Variants in PDE4D observed in about 807,000 individuals in gnomAD.
The protein encoded by PDE4D is 3',5'-cyclic-AMP phosphodiesterase 4D.
PDE4D carries 24 observed loss-of-function variants against 87.4 expected under a neutral mutation model. The ratio of observed to expected loss-of-function variants is 0.27; its 90% CI spans 0.20 to 0.39. The LOEUF (loss-of-function observed/expected upper bound fraction) is 0.39, where lower values mean the gene tolerates loss of function less well. PDE4D is among the 10% of genes least tolerant of loss of function. PDE4D has a pLI of 1.00. For synonymous variants in PDE4D, 384 were observed against 383.2 expected (o/e 1.00, Z -0.02); for missense variants, 714 against 1,041.0 (o/e 0.69, Z 4.32).
chr5:60,345,224 C>T (rs1459631770), intron 1 of PDE4D, among the ~76,000 whole-genome samples: 3 of 151,810 alleles, frequency 2.0e-5, no homozygotes, highest in Non-Finnish European at 4.4e-5. Context: ...CATATTCTCA[C>T]TCATAGGTGG....
chr5:59,046,600 G>A (rs1760748276), intron 5 of PDE4D, among the ~76,000 whole-genome samples: 1 of 151,950 alleles, frequency 6.6e-6, no homozygotes, highest in South Asian at 2.1e-4. Context: ...GGTCTAAAGG[G>A]TAACTCCAAC....
intron 1 of PDE4D, among the ~76,000 whole-genome samples, chr5:60,308,219 A>G (rs1008826868): frequency 1.3e-5 from 2 of 152,240 alleles, no homozygotes; most frequent in Non-Finnish European, 2.9e-5. Flanking sequence ...CATATGGGAA[A>G]TATTTTCATA....
chr5:59,857,449 T>C (rs1745606429), intron 1 of PDE4D, among the ~76,000 whole-genome samples: 1 of 152,148 alleles, frequency 6.6e-6, no homozygotes, highest in Non-Finnish European at 1.5e-5. Flanking sequence ...ATTTTCAAAA[T>C]ATATGAAAAA....
intron 1 of PDE4D, among the ~76,000 whole-genome samples, chr5:59,471,393 C>A (rs1487471622): frequency 6.6e-6 from 1 of 152,142 alleles, no homozygotes; most frequent in East Asian, 1.9e-4. Flanking sequence ...AAGATTAAAT[C>A]AAAAAAGCTA....
At chr5:59,920,819 T>C (rs945731663) in intron 3 of PDE4D, among the ~76,000 whole-genome samples, 3 of 141,342 alleles carry the variant, frequency 2.1e-5, no homozygotes, top group Non-Finnish European at 4.5e-5. Flanking sequence ...ATGAGAACAC[T>C]TGGACACAGG....
chr5:59,060,524 T>A (rs901990486), intron 5 of PDE4D, among the ~76,000 whole-genome samples: 1 of 152,144 alleles, frequency 6.6e-6, no homozygotes, highest in African/African-American at 2.4e-5. Context: ...AAATTTAACA[T>A]ATCTATAAAA....
At chr5:59,179,176 G>A (rs1359626156) in intron 5 of PDE4D, among the ~76,000 whole-genome samples, 14 of 152,116 alleles carry the variant, frequency 9.2e-5, no homozygotes, top group Admixed American at 3.3e-4. Flanking sequence ...GCGCGATCTC[G>A]GCTCACTGCA....
intron 1 of PDE4D, among the ~76,000 whole-genome samples, chr5:59,790,773 A>G (rs1765694543): frequency 6.6e-6 from 1 of 152,138 alleles, no homozygotes; most frequent in Admixed American, 6.5e-5. Flanking sequence ...TATGCAATTC[A>G]TTGTGAAATT....
intron 1 of PDE4D, among the ~76,000 whole-genome samples, chr5:59,622,673 A>G (rs773812114): frequency 1.3e-5 from 2 of 152,168 alleles, no homozygotes; most frequent in African/African-American, 2.4e-5. Flanking sequence ...TAGTTGCCAA[A>G]GCGCATCAGC....
intron 2 of PDE4D, among the ~76,000 whole-genome samples, chr5:60,150,051 C>CTATATACTAG (rs1462923143): frequency 6.9e-6 from 1 of 145,118 alleles, no homozygotes; most frequent in Admixed American, 7.0e-5. Context: ...ATATATAATT[C>CTATATACTAG]TATATACTAG....
chr5:60,136,595 A>AT (rs1185501071), intron 2 of PDE4D, among the ~76,000 whole-genome samples: 2 of 152,042 alleles, frequency 1.3e-5, no homozygotes, highest in Non-Finnish European at 2.9e-5. Context: ...GTATCATGTT[A>AT]TTTTTAAACC....
At chr5:59,665,037 T>C (rs913395585) in intron 1 of PDE4D, among the ~76,000 whole-genome samples, 1 of 152,224 alleles carries the variant, frequency 6.6e-6, no homozygotes, top group South Asian at 2.1e-4. Flanking sequence ...TCTGCCCCTC[T>C]GTAGTGACAT....
chr5:60,107,927 C>A (rs546404805), intron 2 of PDE4D, among the ~76,000 whole-genome samples: 1 of 152,324 alleles, frequency 6.6e-6, no homozygotes, highest in East Asian at 1.9e-4. Context: ...AAACTAGAAT[C>A]ATTCCGTTTG....
intron 6 of PDE4D, among the ~76,000 whole-genome samples, chr5:59,014,492 A>T (rs900953884): frequency 1.3e-4 from 20 of 152,222 alleles, no homozygotes; most frequent in African/African-American, 4.6e-4. Flanking sequence ...AAGCATTCCT[A>T]TACACCAATA....
intron 3 of PDE4D, among the ~76,000 whole-genome samples, chr5:59,961,861 C>T (rs1205469501): frequency 6.6e-6 from 1 of 151,992 alleles, no homozygotes; most frequent in African/African-American, 2.4e-5. Context: ...AAGTACCTGC[C>T]GAGGCTCTGG....
chr5:59,193,365 G>T, intron 3 of PDE4D, 135 bp downstream of exon 3: 2 of 839,782 alleles, frequency 2.4e-6, no homozygotes, highest in Non-Finnish European at 3.8e-6. Flanking sequence ...CTTTTGAATT[G>T]CTTGAATGAA....
At chr5:59,871,336 G>A (rs777582902) in intron 1 of PDE4D, among the ~76,000 whole-genome samples, 15 of 152,106 alleles carry the variant, frequency 9.9e-5, no homozygotes, top group South Asian at 2.1e-4. Flanking sequence ...ACAGCCACCT[G>A]ATATGGAAAA....
intron 1 of PDE4D, among the ~76,000 whole-genome samples, chr5:59,808,493 A>C (rs141290678): frequency 6.6e-6 from 1 of 152,272 alleles, no homozygotes; most frequent in Non-Finnish European, 1.5e-5. Context: ...CCTGCTAATA[A>C]ACCAGCAGTA....
chr5:60,212,069 G>A (rs192788465), intron 1 of PDE4D, among the ~76,000 whole-genome samples: 114 of 152,256 alleles, frequency 7.5e-4, no homozygotes, highest in Admixed American at 1.2e-3. Flanking sequence ...GCATATATAT[G>A]TAATTTTTAA....
Sources: gnomAD v4.1 joint callset for allele counts (sites outside exome capture counted in the v4.1 genomes callset) on GRCh38, gnomAD v4.1.1 for gene constraint, MANE v1.5 for transcripts, NCBI Gene and HGNC (gene_info 2026-07-23, HGNC 2026-07-21) for gene names.